The following ATAD2 variants were observed in gnomAD, a reference collection of about 807,000 sequenced individuals.
ATAD2 encodes ATPase family AAA domain containing 2, also known as ATPase family AAA domain-containing protein 2.
In ATAD2, 62 loss-of-function variants were observed where a neutral mutation model predicts 168.9. That is an observed-to-expected ratio of 0.37 (90% CI 0.30 to 0.45). The LOEUF (loss-of-function observed/expected upper bound fraction) is 0.45, where lower values mean the gene tolerates loss of function less well. Among genes scored for constraint, ATAD2 ranks in the 20% least tolerant of loss-of-function variants. The pLI is 1.00. For synonymous variants in ATAD2, 613 were observed against 571.6 expected (o/e 1.07, Z -1.03); for missense variants, 1,419 against 1,667.8 (o/e 0.85, Z 2.60).
chr8:123,383,773 C>CAA (rs766321394), intron 1 of ATAD2, among the ~76,000 whole-genome samples: 1 of 130,958 alleles, frequency 7.6e-6, no homozygotes, highest in Middle Eastern at 3.9e-3. Context: ...AATTCAGTCT[C>CAA]AAAAAAAAAA....
chr8:123,412,229 T>G (rs1813169127), intron 1 of ATAD2, among the ~76,000 whole-genome samples: 1 of 152,190 alleles, frequency 6.6e-6, no homozygotes, highest in Non-Finnish European at 1.5e-5. Flanking sequence ...ATGTATATGC[T>G]CAGGCTGTGG....
chr8:123,366,619 T>A (rs984516990), intron 8 of ATAD2, among the ~76,000 whole-genome samples: 1 of 152,134 alleles, frequency 6.6e-6, no homozygotes, highest in Non-Finnish European at 1.5e-5. Flanking sequence ...GTGAAGTAAC[T>A]CAGGAATGAA....
rs59837172 is a variant in ATAD2 at position 123,402,815 on chromosome 8, CAATAATAAT to C, written c.-2281-1649_-2281-1641del. On this transcript the variant is annotated intron_variant, in intron 1 of 28. Transcript: ENST00000521903. The surrounding 1 kb of genome is among the most constrained non-coding windows in gnomAD (Gnocchi z 4.8). ...GAATAAATCAAGCAGGTCTCAATGC[CAATAATAAT>C]AATAATAATAATAATAATAAAAATC... 5.8e-5 allele frequency among the ~76,000 whole-genome samples: 3 copies of C among 51,768 alleles called. No individual in the cohort carries two copies. The highest frequency in any genetic ancestry group is 2.9e-4 in the Admixed American group (1 of 3,500). 34.0% of individuals were successfully genotyped at this position (51,768 alleles called of 152,430 possible).
intron 2 of ATAD2, among the ~76,000 whole-genome samples, 175 bp downstream of exon 2, chr8:123,380,354 C>T (rs191221230): frequency 1.3e-3 from 198 of 152,072 alleles, no homozygotes; most frequent in African/African-American, 4.6e-3. Context: ...TGCCTGGCCA[C>T]GTATTAATTT....
At chr8:123,379,906 G>A (rs1301127230) in intron 2 of ATAD2, among the ~76,000 whole-genome samples, 2 of 87,426 alleles carry the variant, frequency 2.3e-5, no homozygotes, top group Admixed American at 1.3e-4. Flanking sequence ...TTTTTTTTGA[G>A]ACTGAGTTTC....
chr8:123,404,189 G>C (rs2130026839), intron 1 of ATAD2, among the ~76,000 whole-genome samples: 1 of 152,260 alleles, frequency 6.6e-6, no homozygotes, highest in South Asian at 2.1e-4. Context: ...TAGCCATCTT[G>C]TCACCCTTCC....
rs1322429130 is a variant in ATAD2 at position 123,402,004 on chromosome 8, G to A, written c.-2281-829C>T. On this transcript the variant is annotated intron_variant, in intron 1 of 28. Transcript: ENST00000521903. The surrounding 1 kb of genome is among the most constrained non-coding windows in gnomAD (Gnocchi z 4.8). ...GGGCCCGCAGCCTGTCTGTCCTTTGGTCCATGATGTACTCAGGAGAGCTCA... is the reference window on the plus strand; with the variant it reads ...GGGCCCGCAGCCTGTCTGTCCTTTGATCCATGATGTACTCAGGAGAGCTCA... 2.1e-6 allele frequency: 3 copies of A among 1,406,412 alleles called. No individual in the cohort carries two copies. In the Admixed American group the frequency reaches 5.0e-5, roughly 24 times the overall value. The allele number at this position is 1,406,412 out of a possible 1,614,324, so 87.1% of individuals were successfully genotyped here. A position where few individuals can be genotyped will look rare whatever the true frequency, so the allele number is the denominator to read the frequency against.
chr8:123,402,091 G>A lies in ATAD2; in HGVS notation c.-2281-916C>T. The A allele has an allele frequency of 8.3e-7, 1 of 1,206,326 alleles. No individual in the cohort carries two copies. The allele number at this position is 1,206,326 out of a possible 1,614,324, so 74.7% of individuals were successfully genotyped here. A position where few individuals can be genotyped will look rare whatever the true frequency, so the allele number is the denominator to read the frequency against. On this transcript the variant is annotated intron_variant, in intron 1 of 28. Transcript: ENST00000521903. The surrounding 1 kb of genome is among the most constrained non-coding windows in gnomAD (Gnocchi z 4.8). ...GTGGCGTCCATGGCCTGCACTCTTA[G>A]GAGAAGCGGCTGTACTGACAGCAGT...
chr8:123,381,222 G>C (rs917312226), intron 1 of ATAD2, among the ~76,000 whole-genome samples: 7 of 152,184 alleles, frequency 4.6e-5, no homozygotes, highest in African/African-American at 1.7e-4. Flanking sequence ...TAGGGCCCGG[G>C]CATGGTGGCT....
At chr8:123,415,457 C>A (rs1045262139) in intron 1 of ATAD2, among the ~76,000 whole-genome samples, 1 of 152,188 alleles carries the variant, frequency 6.6e-6, no homozygotes, top group South Asian at 2.1e-4. Flanking sequence ...ATGTAAACAT[C>A]TCAGTTTTTA....
In ATAD2 at chr8:123,371,795, G is replaced by A; in HGVS notation, c.411C>T (p.Asn137=). ...IPVTRSLRAR[N]IVQSTEHLHE... is the part of the protein sequence containing the mutation. Reference sequence around the variant, plus strand: ...GTAAGTGTTCTGTACTTTGAACGATGTTTCTAGCCCTCAATGACCGAGTAA... The same window carrying A: ...GTAAGTGTTCTGTACTTTGAACGATATTTCTAGCCCTCAATGACCGAGTAA... The change falls in exon 4 of 28, where the codon AAC becomes AAT. Residue 137 remains asparagine (N), a synonymous_variant. Coordinates refer to ENST00000287394, the MANE Select transcript of ATAD2 (RefSeq NM_014109.4). 1.9e-6 allele frequency: 3 copies of A among 1,611,600 alleles called. No individual in the cohort carries two copies. Among genetic ancestry groups the A allele is most frequent in the Non-Finnish European group, 2.5e-6 (3 of 1,179,298 alleles).
chr8:123,400,740 T>TA, upstream of ATAD2: 1 of 767,170 alleles, frequency 1.3e-6, no homozygotes, highest in Non-Finnish European at 2.4e-6. This position sits in a 1 kb window ranked among gnomAD's most constrained non-coding sequence, Gnocchi z 4.5. Flanking sequence ...CCTCAGCCCT[T>TA]ACCTGGAAGA....
intron 1 of ATAD2, 97 bp downstream of exon 1, chr8:123,396,090 T>A (rs1812810863): frequency 7.5e-7 from 1 of 1,341,198 alleles, no homozygotes; most frequent in Non-Finnish European, 9.8e-7. Context: ...ACTGTCACCC[T>A]GACCGGCGCC....
At chr8:123,397,240 C>CAAAAAAA (rs71310670), upstream of ATAD2, among the ~76,000 whole-genome samples, 4 of 40,010 alleles carry the variant, frequency 1.0e-4, no homozygotes, top group African/African-American at 1.3e-4. Flanking sequence ...GACTCTGTCT[C>CAAAAAAA]AAAAAAAAAA....
At chr8:123,389,053 G>A (rs1456813683) in intron 1 of ATAD2, among the ~76,000 whole-genome samples, 1 of 149,568 alleles carries the variant, frequency 6.7e-6, no homozygotes, top group African/African-American at 2.5e-5. Context: ...TGCAAGCTCC[G>A]CCTCCTGGGT....
intron 1 of ATAD2, among the ~76,000 whole-genome samples, chr8:123,410,859 C>T (rs542080287): frequency 2.4e-4 from 37 of 152,354 alleles, no homozygotes; most frequent in Non-Finnish European, 5.0e-4. Context: ...TCCAGCGAGG[C>T]GCCCATTGCC....
chr8:123,334,206 T>C lies in ATAD2; in HGVS notation c.3328A>G (p.Lys1110Glu). 1.3e-6 allele frequency: 2 copies of C among 1,581,624 alleles called. No individual in the cohort carries two copies. The highest frequency in any genetic ancestry group is 1.7e-6 in the Non-Finnish European group (2 of 1,170,546). ...AACCAAATCACTTTCCTACCTCTTT[T>C]CTTTCTAGATTCCTGAATTTCTTCA... ...LCEEIQESRK[K>E]RGCSSSKYAP... Residue 1110 changes from lysine (K) to glutamate (E), a missense_variant, in exon 23 of 28, where the codon AAA becomes GAA. Around this residue, in one of 5 missense-constraint regions of ATAD2, gnomAD observed 545 missense variants for 724.9 expected, o/e 0.75. Transcript: ENST00000287394.
intron 24 of ATAD2, among the ~76,000 whole-genome samples, chr8:123,332,990 C>T (rs1187609539): frequency 6.6e-6 from 1 of 151,988 alleles, no homozygotes; most frequent in East Asian, 1.9e-4. Context: ...TTATCTATCT[C>T]AAATCAATTA....
At chr8:123,397,434 CATA>C (rs1347803957), upstream of ATAD2, among the ~76,000 whole-genome samples, 1 of 152,068 alleles carries the variant, frequency 6.6e-6, no homozygotes, top group Non-Finnish European at 1.5e-5. Context: ...CGTGCTTGCA[CATA>C]ATAAGTGCTC....
Sources: gnomAD v4.1 joint callset for allele counts (sites outside exome capture counted in the v4.1 genomes callset) on GRCh38, gnomAD v4.1.1 for gene constraint, gnomAD v4.1.1 regional missense constraint, Gnocchi (gnomAD v3.1) non-coding constraint, MANE v1.5 for transcripts, NCBI Gene and HGNC (gene_info 2026-07-23, HGNC 2026-07-21) for gene names.